The following ERC2 variants were observed in gnomAD, a reference collection of about 807,000 sequenced individuals.
The protein encoded by ERC2 is ERC protein 2.
In ERC2, 42 loss-of-function variants were observed where a neutral mutation model predicts 114.8. That is an observed-to-expected ratio of 0.37 (90% CI 0.29 to 0.47). The LOEUF (loss-of-function observed/expected upper bound fraction) is 0.47, where lower values mean the gene tolerates loss of function less well. ERC2 is among the 20% of genes least tolerant of loss of function. The pLI, the probability that ERC2 is intolerant of heterozygous loss-of-function variation, is 0.99. For synonymous variants in ERC2, 454 were observed against 425.5 expected (o/e 1.07, Z -0.82); for missense variants, 939 against 1,150.7 (o/e 0.82, Z 2.66).
chr3:55,572,846 G>C (rs142853992), intron 17 of ERC2, among the ~76,000 whole-genome samples: 1 of 152,200 alleles, frequency 6.6e-6, no homozygotes, highest in African/African-American at 2.4e-5. Context: ...GCCCCCAGAT[G>C]ATCCCACTAA....
chr3:56,303,389 C>G lies in ERC2; in HGVS notation c.658-6954G>C, dbSNP rs147675525. Among the ~76,000 whole-genome samples the G allele has an allele frequency of 8.9e-4, 136 of 152,260 alleles. 1 individual carries two copies. Among genetic ancestry groups the G allele is most frequent in the African/African-American group, 3.2e-3 (133 of 41,524 alleles). On this transcript the variant is annotated intron_variant, in intron 2 of 17. Transcript: ENST00000288221. ...GACTCATCTGTGCATTAAAAATACG[C>G]AAATGGAAGGGGAGATAAATAGCTT...
At chr3:56,200,097 A>G (rs917525582) in intron 3 of ERC2, among the ~76,000 whole-genome samples, 2 of 152,078 alleles carry the variant, frequency 1.3e-5, no homozygotes, top group Admixed American at 6.6e-5. Context: ...CTCAAGAGTT[A>G]GGGTTACTGT....
chr3:55,971,431 C>CCCTCCAT (rs2069146824), intron 12 of ERC2, among the ~76,000 whole-genome samples: 1 of 152,110 alleles, frequency 6.6e-6, no homozygotes, highest in African/African-American at 2.4e-5. Flanking sequence ...CTTATATTGT[C>CCCTCCAT]CCTCCATCTT....
chr3:56,306,214 C>T (rs1482009634), intron 2 of ERC2, among the ~76,000 whole-genome samples: 1 of 152,098 alleles, frequency 6.6e-6, no homozygotes, highest in Non-Finnish European at 1.5e-5. Flanking sequence ...CCATATGACC[C>T]ATGAAATCTA....
intron 15 of ERC2, among the ~76,000 whole-genome samples, chr3:55,729,886 C>T (rs187060795): frequency 7.7e-6 from 1 of 130,098 alleles, no homozygotes; most frequent in African/African-American, 3.0e-5. Context: ...CACAAGGAAG[C>T]GGTCTTTATG....
intron 3 of ERC2, chr3:56,185,202 A>G (rs1269678979): frequency 6.6e-6 from 1 of 152,260 alleles, no homozygotes; most frequent in Non-Finnish European, 1.5e-5. Context: ...GAGCAGCTGG[A>G]AAAACTGGGT....
intron 17 of ERC2, among the ~76,000 whole-genome samples, chr3:55,533,456 A>T (rs1275077769): frequency 6.6e-6 from 1 of 152,268 alleles, no homozygotes; most frequent in African/African-American, 2.4e-5. Context: ...CTAAGCACAC[A>T]GCATGTCTTT....
chr3:55,846,464 G>T (rs942314645), intron 14 of ERC2, among the ~76,000 whole-genome samples: 1 of 152,122 alleles, frequency 6.6e-6, no homozygotes, highest in Non-Finnish European at 1.5e-5. Context: ...ACATTTGTGT[G>T]CACATGCCTC....
At chr3:55,860,373 G>A (rs1009893468) in intron 14 of ERC2, among the ~76,000 whole-genome samples, 35 of 152,106 alleles carry the variant, frequency 2.3e-4, no homozygotes, top group Admixed American at 1.8e-3. Context: ...CTGGGGCGAT[G>A]TGCACCCCCC....
At chr3:56,238,412 G>A (rs1464952465) in intron 3 of ERC2, among the ~76,000 whole-genome samples, 4 of 152,258 alleles carry the variant, frequency 2.6e-5, no homozygotes, top group Non-Finnish European at 5.9e-5. Context: ...GTGGGGCCTG[G>A]AAGTGAAGAA....
At chr3:55,728,551 C>T (rs943365344) in intron 15 of ERC2, among the ~76,000 whole-genome samples, 7 of 152,114 alleles carry the variant, frequency 4.6e-5, no homozygotes, top group African/African-American at 1.7e-4. Flanking sequence ...TGTATTTATC[C>T]TAACCCCTAG....
At chr3:56,457,696 G>A (rs529231193) in intron 1 of ERC2, among the ~76,000 whole-genome samples, 47 of 152,132 alleles carry the variant, frequency 3.1e-4, no homozygotes, top group African/African-American at 8.9e-4. Flanking sequence ...CTAAACTCCA[G>A]CTCTACAGTT....
At chr3:55,790,122 T>C (rs2069871944) in intron 14 of ERC2, among the ~76,000 whole-genome samples, 1 of 152,212 alleles carries the variant, frequency 6.6e-6, no homozygotes, top group South Asian at 2.1e-4. Flanking sequence ...CTTTATTCCC[T>C]GCAGGATAAA....
chr3:55,743,383 T>C (rs557168072), intron 14 of ERC2, among the ~76,000 whole-genome samples: 1 of 96,560 alleles, frequency 1.0e-5, no homozygotes, highest in East Asian at 2.9e-4. Flanking sequence ...TCAGTAAGTC[T>C]GAAGCCAACT....
At chr3:55,963,574 C>T (rs1386095546) in intron 12 of ERC2, among the ~76,000 whole-genome samples, 1 of 152,192 alleles carries the variant, frequency 6.6e-6, no homozygotes, top group Non-Finnish European at 1.5e-5. Flanking sequence ...CTCATATCTC[C>T]TCTTTGCACA....
chr3:55,650,462 C>T (rs1231660569), intron 17 of ERC2, among the ~76,000 whole-genome samples: 4 of 152,216 alleles, frequency 2.6e-5, no homozygotes, highest in East Asian at 1.9e-4. Context: ...CAAACTATTT[C>T]GTCTGAGGCA....
chr3:56,305,667 A>G (rs2056177551), intron 2 of ERC2, among the ~76,000 whole-genome samples: 1 of 152,222 alleles, frequency 6.6e-6, no homozygotes, highest in Non-Finnish European at 1.5e-5. Context: ...TAGTGCAACA[A>G]TGCAAGAACT....
intron 17 of ERC2, among the ~76,000 whole-genome samples, chr3:55,669,881 G>A (rs115733107): frequency 6.6e-6 from 1 of 152,312 alleles, no homozygotes; most frequent in African/African-American, 2.4e-5. Flanking sequence ...CATGGAGCAA[G>A]TAAACTTTTA....
At chr3:55,820,580 C>A (rs2060084418) in intron 14 of ERC2, among the ~76,000 whole-genome samples, 1 of 152,110 alleles carries the variant, frequency 6.6e-6, no homozygotes, top group African/African-American at 2.4e-5. Context: ...TCTTAACAGA[C>A]TGCTTTAAAG....
Sources: allele counts gnomAD v4.1 joint callset (sites outside exome capture counted in the v4.1 genomes callset), GRCh38; gene constraint gnomAD v4.1.1; transcripts MANE v1.5; gene names NCBI Gene and HGNC (gene_info 2026-07-23, HGNC 2026-07-21).